ITPRID1: variants seen among roughly 807,000 people sequenced by gnomAD.
The protein encoded by ITPRID1 is protein ITPRID1.
A neutral mutation model predicts 95.4 loss-of-function variants in ITPRID1; 96 were observed. That is an observed-to-expected ratio of 1.01 (90% CI 0.85 to 1.19). The LOEUF (loss-of-function observed/expected upper bound fraction) is 1.19. Among genes scored for constraint, ITPRID1 ranks in the 50% most tolerant of loss-of-function variants. ITPRID1 has a pLI of 0.00. For synonymous variants in ITPRID1, 510 were observed against 453.6 expected (o/e 1.12, Z -1.58); for missense variants, 1,339 against 1,252.9 (o/e 1.07, Z -1.04).
chr7:31,536,696 G>A (rs1562554166), intron 1 of ITPRID1, among the ~76,000 whole-genome samples: 3 of 152,080 alleles, frequency 2.0e-5, no homozygotes, highest in Admixed American at 1.3e-4. Flanking sequence ...TCTTGGATTT[G>A]CTGTCACTTT....
intron 8 of ITPRID1, among the ~76,000 whole-genome samples, chr7:31,577,436 G>A (rs936489020): frequency 6.6e-6 from 1 of 152,198 alleles, no homozygotes; most frequent in Non-Finnish European, 1.5e-5. Flanking sequence ...AGTATGGATA[G>A]GGATGATGTA....
chr7:31,531,666 G>T (rs1448222789), intron 1 of ITPRID1, among the ~76,000 whole-genome samples: 1 of 152,042 alleles, frequency 6.6e-6, no homozygotes, highest in Non-Finnish European at 1.5e-5. Context: ...CAGGAAGCCC[G>T]CAGGGAATTC....
rs1006678150 is a variant in ITPRID1 at position 31,654,104 on chromosome 7, A to G, written c.*1275A>G. On this transcript the variant is annotated 3_prime_UTR_variant, in exon 15 of 15. Transcript: ENST00000615280. Reference sequence around the variant, plus strand: ...AGCAAATAATTACAATCCTGAAAAGAGCCTCAGAAGACAGTGTGATAATGT... The same window carrying G: ...AGCAAATAATTACAATCCTGAAAAGGGCCTCAGAAGACAGTGTGATAATGT... Among the ~76,000 whole-genome samples the G allele has an allele frequency of 6.6e-6, 1 of 151,388 alleles. No homozygotes were observed. The highest frequency in any genetic ancestry group is 1.5e-5 in the Non-Finnish European group (1 of 67,926).
At chr7:31,589,144 T>C (rs1785754178) in intron 10 of ITPRID1, among the ~76,000 whole-genome samples, 4 of 151,898 alleles carry the variant, frequency 2.6e-5, no homozygotes, top group Admixed American at 2.6e-4. Flanking sequence ...TTATAATAAA[T>C]AATAAAATGG....
chr7:31,608,719 CTT>C (rs1196859117), intron 10 of ITPRID1, among the ~76,000 whole-genome samples: 4 of 151,644 alleles, frequency 2.6e-5, no homozygotes, highest in African/African-American at 9.7e-5. Flanking sequence ...TATCCTGTGA[CTT>C]TGCTGAATTC....
intron 12 of ITPRID1, among the ~76,000 whole-genome samples, chr7:31,644,710 A>G (rs38399): frequency 0.14 from 21,613 of 152,152 alleles, 1,974 homozygotes; most frequent in Non-Finnish European, 0.19. Flanking sequence ...CCTTTTTAGT[A>G]AGTTTTTAAG....
intron 10 of ITPRID1, among the ~76,000 whole-genome samples, chr7:31,625,076 T>C (rs372526884): frequency 5.3e-5 from 8 of 152,066 alleles, no homozygotes; most frequent in South Asian, 2.1e-4. Flanking sequence ...CAATGAGATA[T>C]CATCTCACAC....
At chr7:31,621,566 T>G (rs1453493711) in intron 10 of ITPRID1, among the ~76,000 whole-genome samples, 1 of 148,190 alleles carries the variant, frequency 6.7e-6, no homozygotes, top group Non-Finnish European at 1.5e-5. Flanking sequence ...TGAGAGATTT[T>G]GTCACCACCA....
chr7:31,522,671 T>C (rs1583456394), intron 1 of ITPRID1, among the ~76,000 whole-genome samples: 1 of 152,216 alleles, frequency 6.6e-6, no homozygotes, highest in African/African-American at 2.4e-5. Context: ...TCCCTGAATA[T>C]CCTAGGCATG....
chr7:31,643,499 C>G lies in ITPRID1; in HGVS notation c.2129C>G (p.Thr710Ser), dbSNP rs756408485. ...ACTGGCAGCTCCAGGTCTGTAATGA[C>G]CCAGATGTCCTCCAGCCTGGTGTCG... ...LNTGSSRSVM[T>S]QMSSSLVSAA... is the part of the protein sequence containing the mutation. The change falls in exon 12 of 15, where the codon ACC becomes AGC. Residue 710 changes from threonine to serine, a missense_variant. By Grantham distance (58) the Thr-to-Ser change is moderately conservative (BLOSUM62 1). Transcript: ENST00000615280. 2 of 1,613,944 alleles carry G rather than the reference C, an allele frequency of 1.2e-6. No individual in the cohort carries two copies. The highest frequency in any genetic ancestry group is 2.2e-5 in the South Asian group (2 of 91,086).
intron 10 of ITPRID1, among the ~76,000 whole-genome samples, chr7:31,619,383 C>T (rs1404926641): frequency 6.6e-6 from 1 of 152,142 alleles, no homozygotes; most frequent in Non-Finnish European, 1.5e-5. Context: ...GTTGAATTTT[C>T]AATTCTTATT....
At chr7:31,607,591 T>C (rs1187770843) in intron 10 of ITPRID1, among the ~76,000 whole-genome samples, 2 of 152,156 alleles carry the variant, frequency 1.3e-5, no homozygotes, top group African/African-American at 4.8e-5. Context: ...GATTTTCATT[T>C]TGACTCTACT....
At chr7:31,565,750 A>C (rs1282180260) in intron 5 of ITPRID1, among the ~76,000 whole-genome samples, 2 of 151,982 alleles carry the variant, frequency 1.3e-5, no homozygotes, top group African/African-American at 2.4e-5. Context: ...AAAAATAAAA[A>C]ATAAAAAAGT....
chr7:31,554,332 G>C (rs1323579784), intron 3 of ITPRID1, 143 bp from the exon 4 acceptor site: 8 of 1,349,024 alleles, frequency 5.9e-6, no homozygotes, highest in Non-Finnish European at 7.7e-6. Context: ...TTGCCTTCAG[G>C]AAAAAAAATG....
rs1177823377 is a variant in ITPRID1, at chr7:31,574,713, G to A, written c.569G>A (p.Arg190Gln). 11 of 1,613,710 alleles carry A rather than the reference G, an allele frequency of 6.8e-6. No homozygotes were observed. The highest frequency in any genetic ancestry group is 3.3e-5 in the Admixed American group (2 of 59,976). ...IRVFLEAQKQRMDIENPNLYG... is the reference protein window; with the variant it reads ...IRVFLEAQKQQMDIENPNLYG... ...GTTTTTCTTGAAGCTCAAAAGCAGC[G>A]AATGGACATTGAGAACCCCAACTTG... is the stretch of plus-strand genomic sequence containing the variant. The change falls in exon 8 of 15, where the codon CGA becomes CAA. Residue 190 changes from arginine to glutamine, a missense_variant. Physicochemically the swap from Arg to Gln is conservative, Grantham distance 43. Transcript: ENST00000615280.
chr7:31,598,547 G>T (rs1786198455), intron 10 of ITPRID1, among the ~76,000 whole-genome samples: 26 of 151,540 alleles, frequency 1.7e-4, no homozygotes, highest in Admixed American at 1.7e-3. Flanking sequence ...GGGACTACAG[G>T]CGCCCGCTAC....
chr7:31,584,529 A>T (rs776618642), intron 10 of ITPRID1, among the ~76,000 whole-genome samples: 54 of 150,864 alleles, frequency 3.6e-4, no homozygotes, highest in Non-Finnish European at 7.0e-4. Flanking sequence ...AGTCGCCCCA[A>T]TCATTCCAAA....
At chr7:31,648,704 T>C (rs1467134259) in intron 12 of ITPRID1, among the ~76,000 whole-genome samples, 1 of 152,196 alleles carries the variant, frequency 6.6e-6, no homozygotes, top group Non-Finnish European at 1.5e-5. Flanking sequence ...CCCCAGAACT[T>C]TGAAGTGAAT....
rs185986870 is a variant in ITPRID1, at chr7:31,538,285, G to A, written c.-97-11141G>A. On this transcript the variant is annotated intron_variant, in intron 1 of 14. Transcript: ENST00000615280. ...ATGCACACACACACACACTATGTAT[G>A]TAGTGTCTTTCGAGAGTAAATTGCA... Among the ~76,000 whole-genome samples, 356 of 152,212 alleles carry A rather than the reference G, an allele frequency of 2.3e-3. 1 individual carries two copies. The highest frequency in any genetic ancestry group is 7.9e-3 in the African/African-American group (330 of 41,544).
Sources: allele counts gnomAD v4.1 joint callset (sites outside exome capture counted in the v4.1 genomes callset), GRCh38; gene constraint gnomAD v4.1.1; transcripts MANE v1.5; gene names NCBI Gene and HGNC (gene_info 2026-07-23, HGNC 2026-07-21).